The following TGIF1 variants were observed in gnomAD, a reference collection of about 807,000 sequenced individuals.
TGIF1 encodes the protein TGFB induced factor homeobox 1.
TGIF1 carries 4 observed loss-of-function variants against 19.3 expected under a neutral mutation model. That is an observed-to-expected ratio of 0.21 (90% CI 0.10 to 0.47). TGIF1 has a LOEUF of 0.47. Among genes scored for constraint, TGIF1 ranks in the 20% least tolerant of loss-of-function variants. The pLI is 0.98. For missense variants in TGIF1, 275 were observed against 341.4 expected (o/e 0.81, Z 1.53); for synonymous variants, 122 against 129.3 (o/e 0.94, Z 0.38).
chr18:3,430,802 G>A (rs1371360874), intron 2 of TGIF1, among the ~76,000 whole-genome samples: 1 of 151,740 alleles, frequency 6.6e-6, no homozygotes, highest in African/African-American at 2.4e-5. Flanking sequence ...ACAAGCCACT[G>A]CACCCGGCTA....
At chr18:3,444,286 C>CTTTTTTTTTTTT (rs57205118) in intron 2 of TGIF1, among the ~76,000 whole-genome samples, 3 of 122,194 alleles carry the variant, frequency 2.5e-5, no homozygotes, top group Admixed American at 7.9e-5. Flanking sequence ...ACTTTCTTTT[C>CTTTTTTTTTTTT]TTTTTTTTTT....
At chr18:3,426,609 G>A (rs1422413972) in intron 2 of TGIF1, among the ~76,000 whole-genome samples, 1 of 152,162 alleles carries the variant, frequency 6.6e-6, no homozygotes, top group Non-Finnish European at 1.5e-5. Context: ...TGCTAATACT[G>A]TGGAGAAAGA....
intron 2 of TGIF1, among the ~76,000 whole-genome samples, chr18:3,427,361 G>A (rs868648419): frequency 7.3e-5 from 11 of 151,260 alleles, no homozygotes; most frequent in South Asian, 6.3e-4. Flanking sequence ...GCACAATTTC[G>A]GGACACTGCA....
In TGIF1 at chr18:3,422,673, C is replaced by CTTTTTTGTTTTTTTTTTTTTTTTTTTTTT. The variant is rs1481496826; in HGVS notation, c.-45+4464_-45+4465insGTTTTTTTTTTTTTTTTTTTTTTTTTTTT. Among the ~76,000 whole-genome samples the CTTTTTTGTTTTTTTTTTTTTTTTTTTTTT allele has an allele frequency of 8.1e-5, 2 of 24,672 alleles. 1 individual carries two copies. The highest frequency in any genetic ancestry group is 3.3e-4 in the Non-Finnish European group (2 of 6,144). The allele number at this position is 24,672 out of a possible 152,430, so 16.2% of individuals were successfully genotyped here. ...ATGTTAAGTGCCCTATATAGGTGGC[C>CTTTTTTGTTTTTTTTTTTTTTTTTTTTTT]TTTTTTTTTTTTTTTTTTTTTTTTT... is the stretch of plus-strand genomic sequence containing the variant. On this transcript the variant is annotated intron_variant, in intron 2 of 3. Transcript: ENST00000401449.
At chr18:3,416,761 A>G (rs1165962870) in intron 1 of TGIF1, among the ~76,000 whole-genome samples, 4 of 151,912 alleles carry the variant, frequency 2.6e-5, no homozygotes, top group Admixed American at 6.6e-5. Context: ...GTGAATCCCC[A>G]TCTCTACTAA....
At position 3,456,381 on chromosome 18, in the gene TGIF1, C is replaced by T; in HGVS notation, c.44C>T (p.Thr15Ile). ...ATTGTTGCAGCATCTGGCAGTGAGACTGAGGATGAGGACAGCATGGACATT... is the reference window on the plus strand; with the variant it reads ...ATTGTTGCAGCATCTGGCAGTGAGATTGAGGATGAGGACAGCATGGACATT... ...KGIVAASGSETEDEDSMDIPL... is the reference protein window; with the variant it reads ...KGIVAASGSEIEDEDSMDIPL... Residue 15 changes from threonine to isoleucine, a missense_variant, in exon 2 of 3, where the codon ACT becomes ATT. By Grantham distance (89) the Thr-to-Ile change is moderately conservative. Coordinates refer to ENST00000343820, the MANE Select transcript of TGIF1 (RefSeq NM_003244.4). The surrounding 1 kb of genome is among the most constrained non-coding windows in gnomAD (Gnocchi z 4.2). 1.9e-6 allele frequency: 3 copies of T among 1,614,246 alleles called. No individual in the cohort carries two copies. In the Middle Eastern group the frequency reaches 5.0e-4, roughly 266 times the overall value.
At chr18:3,437,990 A>G (rs772228283) in intron 2 of TGIF1, among the ~76,000 whole-genome samples, 20 of 152,148 alleles carry the variant, frequency 1.3e-4, no homozygotes, top group Non-Finnish European at 2.6e-4. Context: ...AGACTGAGGC[A>G]GGAGAATCGC....
chr18:3,451,764 C>T lies in TGIF1; in HGVS notation c.16+1259C>T, dbSNP rs238533. ...TAAACTTGAAACTCGGATCAACTGGCAGTCGTTGTTGGTAGAACGCCCTAA... is the reference window on the plus strand; with the variant it reads ...TAAACTTGAAACTCGGATCAACTGGTAGTCGTTGTTGGTAGAACGCCCTAA... On this transcript the variant is annotated intron_variant, in intron 1 of 2. Coordinates refer to ENST00000343820, the MANE Select transcript of TGIF1 (RefSeq NM_003244.4). The surrounding 1 kb of genome is among the most constrained non-coding windows in gnomAD (Gnocchi z 5.4). 0.11 allele frequency: 137,871 copies of T among 1,250,686 alleles called. 9,084 individuals are homozygous for T. The highest frequency in any genetic ancestry group is 0.27 in the African/African-American group (17,618 of 64,540). 77.5% of individuals were successfully genotyped at this position (1,250,686 alleles called of 1,614,324 possible). A position where few individuals can be genotyped will look rare whatever the true frequency, so the allele number is the denominator to read the frequency against.
In TGIF1 at chr18:3,453,025, T is replaced by G. The variant is rs116804488; in HGVS notation, c.16+2520T>G. ...TCCTGCTTTGGGATTGCTCTTTGGC[T>G]GGGGTAGCCAACCATACCTTGGATT... On this transcript the variant is annotated intron_variant, in intron 1 of 2. Transcript: ENST00000343820. Among the ~76,000 whole-genome samples the G allele has an allele frequency of 3.8e-3, 573 of 152,328 alleles. 5 individuals are homozygous for G. The highest frequency in any genetic ancestry group is 0.013 in the African/African-American group (542 of 41,572).
At chr18:3,437,950 G>C (rs1195402250) in intron 2 of TGIF1, among the ~76,000 whole-genome samples, 1 of 152,102 alleles carries the variant, frequency 6.6e-6, no homozygotes, top group African/African-American at 2.4e-5. Context: ...CAGGTGTGGT[G>C]GTGCACGCTT....
At chr18:3,433,733 T>A (rs555888168) in intron 2 of TGIF1, among the ~76,000 whole-genome samples, 4 of 152,160 alleles carry the variant, frequency 2.6e-5, no homozygotes, top group Non-Finnish European at 5.9e-5. Context: ...GTGCTCTGGT[T>A]TAATAATAGC....
intron 1 of TGIF1, among the ~76,000 whole-genome samples, chr18:3,417,369 A>C (rs1360303514): frequency 6.6e-6 from 1 of 152,224 alleles, no homozygotes; most frequent in Non-Finnish European, 1.5e-5. Context: ...CATGTTGGGC[A>C]GGCTGATCTC....
In TGIF1 at chr18:3,458,016, T is replaced by TA. The variant is rs1391494896; in HGVS notation, c.*77dup. ...AGGCAAGAGATGAATTGCATTATTTTATATATTTTTTATTAATATTTGCAC... is the reference window on the plus strand; with the variant it reads ...AGGCAAGAGATGAATTGCATTATTTTAATATATTTTTTATTAATATTTGCAC... On this transcript the variant is annotated 3_prime_UTR_variant, in exon 3 of 3. Coordinates refer to ENST00000343820, the MANE Select transcript of TGIF1 (RefSeq NM_003244.4). 1.8e-5 allele frequency: 24 copies of TA among 1,327,568 alleles called. No individual in the cohort carries two copies. The highest frequency in any genetic ancestry group is 1.2e-4 in the Admixed American group (6 of 50,390). 82.2% of individuals were successfully genotyped at this position (1,327,568 alleles called of 1,614,324 possible).
In TGIF1 at chr18:3,450,242, T is replaced by C; in HGVS notation, c.-248T>C. 1 of 1,422,774 alleles carries C rather than the reference T, an allele frequency of 7.0e-7. No homozygotes were observed. The highest frequency in any genetic ancestry group is 9.2e-7 in the Non-Finnish European group (1 of 1,092,604). The allele number at this position is 1,422,774 out of a possible 1,614,324, so 88.1% of individuals were successfully genotyped here. A position where few individuals can be genotyped will look rare whatever the true frequency, so the allele number is the denominator to read the frequency against. On this transcript the variant is annotated 5_prime_UTR_variant, in exon 1 of 3. Coordinates refer to ENST00000343820, the MANE Select transcript of TGIF1 (RefSeq NM_003244.4). ...GAGCGGAGAGGGGAGGGGAGAGAGT[T>C]GGGCGAGGGAGAGCCCCCGGCCGGC... is the stretch of plus-strand genomic sequence containing the variant.
intron 2 of TGIF1, among the ~76,000 whole-genome samples, chr18:3,431,955 C>A (rs1020482898): frequency 6.6e-6 from 1 of 151,900 alleles, no homozygotes; most frequent in Non-Finnish European, 1.5e-5. Context: ...CTGGTGAAAC[C>A]CCATCTCTAC....
chr18:3,425,353 C>T lies in TGIF1; in HGVS notation c.-45+7138C>T, dbSNP rs1281502811. On this transcript the variant is annotated intron_variant, in intron 2 of 3. Transcript: ENST00000401449. ...ATAGCCCTTTCCAAAAACTAAACTA[C>T]CCTTGTAAAACTGATGAACATCATG... Among the ~76,000 whole-genome samples, 3 of 152,176 alleles carry T rather than the reference C, an allele frequency of 2.0e-5. No homozygotes were observed. The East Asian group carries it at 5.8e-4, about 29-fold the overall frequency.
chr18:3,433,186 G>A (rs780916781), intron 2 of TGIF1, among the ~76,000 whole-genome samples: 2 of 151,542 alleles, frequency 1.3e-5, no homozygotes, highest in Non-Finnish European at 2.9e-5. Context: ...CACTCCTTTT[G>A]CTTCAGCCTC....
upstream of TGIF1, chr18:3,447,881 A>G (rs186556289): frequency 2.9e-5 from 46 of 1,574,558 alleles, no homozygotes; most frequent in Non-Finnish European, 3.8e-5. Flanking sequence ...TCTCCTGGAA[A>G]GTTTGTTTTC....
intron 2 of TGIF1, among the ~76,000 whole-genome samples, chr18:3,419,264 A>G (rs186994827): frequency 3.4e-3 from 519 of 152,334 alleles, no homozygotes; most frequent in Non-Finnish European, 5.7e-3. Context: ...AGATTAAATG[A>G]CAAAATTCAT....
Sources: allele counts gnomAD v4.1 joint callset (sites outside exome capture counted in the v4.1 genomes callset), GRCh38; gene constraint gnomAD v4.1.1; non-coding constraint Gnocchi (gnomAD v3.1); transcripts MANE v1.5; gene names NCBI Gene and HGNC (gene_info 2026-07-23, HGNC 2026-07-21).